The following ZBTB46 variants were observed in gnomAD, a reference collection of about 807,000 sequenced individuals.
ZBTB46 encodes zinc finger and BTB domain containing 46, also known as zinc finger and BTB domain-containing protein 46.
A neutral mutation model predicts 44.1 loss-of-function variants in ZBTB46; 8 were observed. The observed-to-expected ratio is 0.18, with a 90% confidence interval of 0.11 to 0.33. ZBTB46 has a LOEUF of 0.33. Ranked by LOEUF, ZBTB46 falls within the 10% of genes least tolerant of loss-of-function variation. ZBTB46 has a pLI of 1.00. For synonymous variants in ZBTB46, 409 were observed against 382.3 expected, an observed-to-expected ratio of 1.07 and a Z score of -0.81; for missense variants, 651 against 847.7, an observed-to-expected ratio of 0.77 and a Z score of 2.88.
chr20:63,826,674 G>A (rs574158619), intron 1 of ZBTB46, among the ~76,000 whole-genome samples: 1 of 152,280 alleles, frequency 6.6e-6, no homozygotes, highest in Non-Finnish European at 1.5e-5. Flanking sequence ...GCAGTGAGCC[G>A]ACATCGCGCC....
At chr20:63,771,183 T>C (rs750924662) in intron 3 of ZBTB46, among the ~76,000 whole-genome samples, 1 of 152,174 alleles carries the variant, frequency 6.6e-6, no homozygotes, top group Non-Finnish European at 1.5e-5. Flanking sequence ...GAGGCCGCTC[T>C]TGTCTTCTTC....
chr20:63,799,677 G>A (rs1308246589), intron 1 of ZBTB46, among the ~76,000 whole-genome samples: 2 of 152,274 alleles, frequency 1.3e-5, no homozygotes, highest in East Asian at 3.9e-4. Flanking sequence ...GCAGGAAAAC[G>A]TTTTGAACAG....
intron 1 of ZBTB46, among the ~76,000 whole-genome samples, chr20:63,805,260 A>G (rs1488934192): frequency 2.0e-5 from 3 of 152,176 alleles, no homozygotes; most frequent in Non-Finnish European, 2.9e-5. Flanking sequence ...ACTGATTTAC[A>G]GTATTTCAAA....
intron 3 of ZBTB46, among the ~76,000 whole-genome samples, chr20:63,769,716 G>A (rs975958975): frequency 1.3e-5 from 2 of 152,146 alleles, no homozygotes; most frequent in Non-Finnish European, 2.9e-5. Context: ...CGCTGGCCTG[G>A]ACCACCTGAA....
chr20:63,804,250 T>C (rs1012262633), intron 1 of ZBTB46, among the ~76,000 whole-genome samples: 46 of 152,254 alleles, frequency 3.0e-4, no homozygotes, highest in African/African-American at 1.1e-3. Context: ...GCTCGGGCCA[T>C]GTGTGAGGGT....
At chr20:63,771,510 C>T (rs986615746) in intron 3 of ZBTB46, among the ~76,000 whole-genome samples, 1 of 152,182 alleles carries the variant, frequency 6.6e-6, no homozygotes, top group African/African-American at 2.4e-5. Flanking sequence ...GACCCCGGGG[C>T]TCAGTTCTCT....
chr20:63,822,794 G>C (rs1427862332), intron 1 of ZBTB46, among the ~76,000 whole-genome samples: 2 of 151,984 alleles, frequency 1.3e-5, no homozygotes, highest in African/African-American at 2.4e-5. Flanking sequence ...CAGGATGAAT[G>C]CTTGAGCCCA....
At chr20:63,797,011 G>T (rs1335267687) in intron 1 of ZBTB46, among the ~76,000 whole-genome samples, 1 of 151,958 alleles carries the variant, frequency 6.6e-6, no homozygotes, top group South Asian at 2.1e-4. Flanking sequence ...TTTTGTTTTT[G>T]TTTTTTTATA....
At chr20:63,832,360 C>T (rs1568918183), upstream of ZBTB46, among the ~76,000 whole-genome samples, 1 of 152,096 alleles carries the variant, frequency 6.6e-6, no homozygotes, top group Non-Finnish European at 1.5e-5. This position sits in a 1 kb window ranked among gnomAD's most constrained non-coding sequence, Gnocchi z 5.0. Context: ...TGGCCGGCAG[C>T]CGCGCGAGGG....
At chr20:63,754,088 C>T (rs1023098870) in intron 3 of ZBTB46, among the ~76,000 whole-genome samples, 1 of 152,234 alleles carries the variant, frequency 6.6e-6, no homozygotes, top group African/African-American at 2.4e-5. Context: ...TTTTGTGAGA[C>T]TGGAGCATGT....
intron 1 of ZBTB46, among the ~76,000 whole-genome samples, chr20:63,810,586 A>G (rs2092711951): frequency 6.6e-6 from 1 of 152,078 alleles, no homozygotes; most frequent in South Asian, 2.1e-4. Context: ...TCTTTACTAA[A>G]AATATTAAAA....
At position 63,790,627 on chromosome 20, in the gene ZBTB46, G is replaced by T; in HGVS notation, c.131C>A (p.Ala44Glu). The stretch of plus-strand genomic sequence containing the variant: ...GCTGCCCAGCAGGACGTTCTTGTGC[G>T]CCTTGAAGACCTTGCCCTCCACGAC... ...CVVVEGKVFK[A>E]HKNVLLGSSR... is the part of the protein sequence containing the mutation. The change falls in exon 2 of 5, where the codon GCG becomes GAG. Residue 44 changes from alanine to glutamate, a missense_variant. By Grantham distance (107) the Ala-to-Glu change is moderately radical (BLOSUM62 -1). Transcript: ENST00000245663. 1 of 1,611,668 alleles carries T rather than the reference G, an allele frequency of 6.2e-7. No homozygotes were observed.
In ZBTB46 at chr20:63,746,785, G is replaced by T; in HGVS notation, c.*145C>A. 7.6e-7 allele frequency: 1 copy of T among 1,312,694 alleles called. No homozygotes were observed. Among genetic ancestry groups the T allele is most frequent in the South Asian group, 1.7e-5 (1 of 59,012 alleles). 81.3% of individuals were successfully genotyped at this position (1,312,694 alleles called of 1,614,324 possible). A position where few individuals can be genotyped will look rare whatever the true frequency, so the allele number is the denominator to read the frequency against. ...CGCACCTGCTTAGCCCGCAGGGCTGGTTTCCGTGGGGGGTGGGTTCAGGGG... is the reference window on the plus strand; with the variant it reads ...CGCACCTGCTTAGCCCGCAGGGCTGTTTTCCGTGGGGGGTGGGTTCAGGGG... On this transcript the variant is annotated 3_prime_UTR_variant, in exon 5 of 5. Coordinates refer to ENST00000245663, the MANE Select transcript of ZBTB46 (RefSeq NM_001369741.1).
rs1214588107 is a variant in ZBTB46, at chr20:63,790,351, T to C, written c.407A>G (p.Asp136Gly). ...GAACTCCGCAAGCTCATCTGAGGCG[T>C]CCGACTTGATGCTGATGTCCAGCGC... Reference protein sequence around the residue: ...KAALDISIKSDASDELAEFEI... With the variant: ...KAALDISIKSGASDELAEFEI... The change falls in exon 2 of 5, where the codon GAC (aspartate) becomes GGC (glycine). Residue 136 changes from aspartate (D) to glycine (G), a missense_variant. Transcript: ENST00000245663. The C allele has an allele frequency of 3.1e-6, 5 of 1,613,228 alleles. No homozygotes were observed. The East Asian group carries it at 1.1e-4, about 36-fold the overall frequency.
At chr20:63,782,627 AC>A (rs2092480201) in intron 2 of ZBTB46, among the ~76,000 whole-genome samples, 1 of 152,138 alleles carries the variant, frequency 6.6e-6, no homozygotes. Context: ...TGAGCCTGAC[AC>A]CCAAACGCCC....
intron 3 of ZBTB46, among the ~76,000 whole-genome samples, chr20:63,760,129 G>A (rs779795236): frequency 3.4e-4 from 52 of 152,342 alleles, no homozygotes; most frequent in Non-Finnish European, 6.0e-4. Context: ...GACCATGCCA[G>A]CTTAGATAGG....
At position 63,752,650 on chromosome 20, in the gene ZBTB46, C is replaced by G. The variant is rs377218041; in HGVS notation, c.1398+36G>C. On this transcript the variant is annotated intron_variant, in intron 4 of 4. Coordinates refer to ENST00000245663, the MANE Select transcript of ZBTB46 (RefSeq NM_001369741.1). The surrounding 1 kb of genome is among the most constrained non-coding windows in gnomAD (Gnocchi z 5.6). ...CGCCTGCCCGGACATCGTGGCCACGCGCAGCGCGCGGCACGCGGACCCTCC... is the reference window on the plus strand; with the variant it reads ...CGCCTGCCCGGACATCGTGGCCACGGGCAGCGCGCGGCACGCGGACCCTCC... 1.6e-5 allele frequency: 23 copies of G among 1,480,536 alleles called. No individual in the cohort carries two copies. The highest frequency in any genetic ancestry group is 2.2e-4 in the Middle Eastern group (1 of 4,516). 91.7% of individuals were successfully genotyped at this position (1,480,536 alleles called of 1,614,324 possible). A position where few individuals can be genotyped will look rare whatever the true frequency, so the allele number is the denominator to read the frequency against.
intron 3 of ZBTB46, among the ~76,000 whole-genome samples, chr20:63,758,854 C>A (rs1253774221): frequency 6.6e-6 from 1 of 152,062 alleles, no homozygotes; most frequent in Non-Finnish European, 1.5e-5. Flanking sequence ...GCCTCAGCCT[C>A]CCGAGTAGCT....
At chr20:63,751,377 A>G (rs370813438) in intron 4 of ZBTB46, among the ~76,000 whole-genome samples, 18 of 152,172 alleles carry the variant, frequency 1.2e-4, no homozygotes, top group African/African-American at 4.1e-4. Flanking sequence ...GCCAGAGCCC[A>G]GCACTAAGCC....
Sources: allele counts gnomAD v4.1 joint callset (sites outside exome capture counted in the v4.1 genomes callset), GRCh38; gene constraint gnomAD v4.1.1; non-coding constraint Gnocchi (gnomAD v3.1); transcripts MANE v1.5; gene names NCBI Gene and HGNC (gene_info 2026-07-23, HGNC 2026-07-21).